The following GRID2 variants were observed in gnomAD, a reference collection of about 807,000 sequenced individuals.
GRID2 encodes the protein glutamate ionotropic receptor delta type subunit 2, also known as glutamate receptor ionotropic, delta-2.
Under a neutral mutation model 114.8 loss-of-function variants are expected in GRID2, and 33 were observed. That is an observed-to-expected ratio of 0.29 (90% CI 0.22 to 0.38). The LOEUF is 0.38. Ranked by LOEUF, GRID2 falls within the 10% of genes least tolerant of loss-of-function variation. The pLI is 1.00. For missense variants in GRID2, 1,184 were observed against 1,257.7 expected (o/e 0.94, Z 0.89); for synonymous variants, 505 against 449.9 (o/e 1.12, Z -1.55).
In GRID2 at chr4:93,255,335, A is replaced by C. The variant is rs74363170; in HGVS notation, c.1245+16845A>C. Among the ~76,000 whole-genome samples the C allele has an allele frequency of 1.6e-4, 25 of 152,290 alleles. No homozygotes were observed. The East Asian group carries it at 4.8e-3, about 29-fold the overall frequency. The stretch of plus-strand genomic sequence containing the variant: ...TTAAAAAAACCTTTAGTTTGTTAAA[A>C]GACTAGACTTCTAGTTAGGTATCTT... On this transcript the variant is annotated intron_variant, in intron 8 of 15. Coordinates refer to ENST00000282020, the MANE Select transcript of GRID2 (RefSeq NM_001510.4).
chr4:92,423,968 G>C (rs991554997), intron 1 of GRID2, among the ~76,000 whole-genome samples: 1 of 152,074 alleles, frequency 6.6e-6, no homozygotes, highest in Non-Finnish European at 1.5e-5. Context: ...AAATATTTGC[G>C]AAGGCTCTGG....
chr4:92,321,794 G>C (rs1726327899), intron 1 of GRID2, among the ~76,000 whole-genome samples: 1 of 152,116 alleles, frequency 6.6e-6, no homozygotes, highest in Non-Finnish European at 1.5e-5. Context: ...GTCAGAGTAG[G>C]ATAGAGTAGG....
At chr4:93,183,470 A>G (rs1457700086) in intron 4 of GRID2, among the ~76,000 whole-genome samples, 2 of 152,220 alleles carry the variant, frequency 1.3e-5, no homozygotes, top group African/African-American at 4.8e-5. Context: ...TACTACATCT[A>G]AAGAGTCCCT....
chr4:92,348,828 TC>T (rs1727917162), intron 1 of GRID2, among the ~76,000 whole-genome samples: 1 of 152,020 alleles, frequency 6.6e-6, no homozygotes, highest in Non-Finnish European at 1.5e-5. Flanking sequence ...GTAAACAAAC[TC>T]TGTGGAATTA....
intron 14 of GRID2, among the ~76,000 whole-genome samples, chr4:93,694,884 G>A (rs1971120): frequency 0.57 from 86,354 of 151,940 alleles, 25,201 homozygotes; most frequent in East Asian, 0.71. Context: ...GAAATGTTCA[G>A]AATGGTGGCC....
chr4:93,788,266 C>T (rs1425149727), intron 1 of GRID2, among the ~76,000 whole-genome samples: 1 of 150,852 alleles, frequency 6.6e-6, no homozygotes, highest in Non-Finnish European at 1.5e-5. Flanking sequence ...TGCAGTGAGC[C>T]GAGATCACAC....
chr4:93,757,210 C>T (rs1024356009), intron 14 of GRID2, among the ~76,000 whole-genome samples: 2 of 152,212 alleles, frequency 1.3e-5, no homozygotes, highest in Middle Eastern at 3.4e-3. Flanking sequence ...AGGAGGCTAA[C>T]ATCCAAAAAA....
intron 1 of GRID2, among the ~76,000 whole-genome samples, chr4:92,556,733 C>T (rs1726867470): frequency 6.6e-6 from 1 of 152,116 alleles, no homozygotes; most frequent in South Asian, 2.1e-4. Flanking sequence ...GGCTGGAGAC[C>T]ACTTGTTTGC....
chr4:93,778,955 G>A (rs1734425292), downstream of GRID2, among the ~76,000 whole-genome samples: 1 of 151,992 alleles, frequency 6.6e-6, no homozygotes, highest in Non-Finnish European at 1.5e-5. Flanking sequence ...CTCTCAGATT[G>A]TAATTCTGCA....
At chr4:92,390,520 T>G (rs1433247378) in intron 1 of GRID2, among the ~76,000 whole-genome samples, 1 of 152,146 alleles carries the variant, frequency 6.6e-6, no homozygotes, top group Non-Finnish European at 1.5e-5. Flanking sequence ...ATGGATCAAG[T>G]CCAGGGAAGA....
chr4:92,487,255 C>A (rs1234015189), intron 1 of GRID2, among the ~76,000 whole-genome samples: 2 of 151,752 alleles, frequency 1.3e-5, no homozygotes, highest in Admixed American at 6.6e-5. Flanking sequence ...TTTCCAGTTT[C>A]TTAATATAGA....
intron 2 of GRID2, among the ~76,000 whole-genome samples, chr4:92,640,732 T>G (rs1172506471): frequency 6.6e-6 from 1 of 151,880 alleles, no homozygotes; most frequent in Non-Finnish European, 1.5e-5. Context: ...TTTTTGAATC[T>G]AAGTCCCGTA....
Position 92,938,364 on chromosome 4 carries a change from AC to A in GRID2, c.245-146630del, listed in dbSNP as rs1404942022. The stretch of plus-strand genomic sequence containing the variant: ...TTTGTTTCACAAGAATTTCAAAAAA[AC>A]TATTATAAACCATCTTTCTTTTCCA... On this transcript the variant is annotated intron_variant, in intron 2 of 15. Transcript: ENST00000282020. 3.4e-5 allele frequency among the ~76,000 whole-genome samples: 5 copies of A among 146,702 alleles called. 1 individual carries two copies. In the East Asian group the frequency reaches 1.1e-3, roughly 32 times the overall value.
rs572343457 is a variant in GRID2 at position 92,565,624 on chromosome 4, G to A, written c.89-24507G>A. The stretch of plus-strand genomic sequence containing the variant: ...CTAGACTATAATCTCTTCAAGACTG[G>A]TATCTGACTTCAGTTTCTACTACTA... On this transcript the variant is annotated intron_variant, in intron 1 of 15. Coordinates refer to ENST00000282020, the MANE Select transcript of GRID2 (RefSeq NM_001510.4). Among the ~76,000 whole-genome samples, 5 of 151,730 alleles carry A rather than the reference G, an allele frequency of 3.3e-5. No individual in the cohort carries two copies. The East Asian group carries it at 9.7e-4, about 29-fold the overall frequency.
chr4:92,605,430 A>G (rs774635945), intron 2 of GRID2, among the ~76,000 whole-genome samples: 1 of 152,080 alleles, frequency 6.6e-6, no homozygotes, highest in Non-Finnish European at 1.5e-5. Context: ...TGTATAGTCT[A>G]CTAGGGGCAA....
At chr4:93,803,495 G>A (rs981770158) in intron 1 of GRID2, among the ~76,000 whole-genome samples, 7 of 152,074 alleles carry the variant, frequency 4.6e-5, no homozygotes, top group African/African-American at 1.7e-4. Flanking sequence ...AGGCCAAGAT[G>A]GGCGGATCAC....
intron 8 of GRID2, among the ~76,000 whole-genome samples, chr4:93,392,473 T>C (rs1764949817): frequency 6.6e-6 from 1 of 152,166 alleles, no homozygotes; most frequent in African/African-American, 2.4e-5. Flanking sequence ...TTTGAATCTA[T>C]ATGAATCTAA....
At chr4:93,352,218 G>T (rs1279660385) in intron 8 of GRID2, among the ~76,000 whole-genome samples, 1 of 151,774 alleles carries the variant, frequency 6.6e-6, no homozygotes. Flanking sequence ...TCATAATCAA[G>T]GTTCATTGTT....
intron 1 of GRID2, among the ~76,000 whole-genome samples, chr4:92,439,038 G>A (rs1732877562): frequency 6.6e-6 from 1 of 152,086 alleles, no homozygotes; most frequent in Non-Finnish European, 1.5e-5. Flanking sequence ...CAGGTGGGCT[G>A]AGTCCGAAAA....
Sources: gnomAD v4.1 joint callset for allele counts (sites outside exome capture counted in the v4.1 genomes callset) on GRCh38, gnomAD v4.1.1 for gene constraint, MANE v1.5 for transcripts, NCBI Gene and HGNC (gene_info 2026-07-23, HGNC 2026-07-21) for gene names.